COL4A5: variants seen among roughly 807,000 people sequenced by gnomAD.
COL4A5 encodes collagen alpha-5(IV) chain.
Under a neutral mutation model 130.2 loss-of-function variants are expected in COL4A5, and 26 were observed. That is an observed-to-expected ratio of 0.20 (90% CI 0.15 to 0.28). The LOEUF (loss-of-function observed/expected upper bound fraction) is 0.28, where lower values mean the gene tolerates loss of function less well. Among genes scored for constraint, COL4A5 ranks in the 10% least tolerant of loss-of-function variants. The pLI is 1.00. For synonymous variants in COL4A5, 496 were observed against 439.6 expected, an observed-to-expected ratio of 1.13 and a Z score of -1.60; for missense variants, 1,131 against 1,344.3, an observed-to-expected ratio of 0.84 and a Z score of 2.48.
chrX:108,672,103 A>C (rs1682138385), intron 42 of COL4A5, among the ~76,000 whole-genome samples: 1 of 111,887 alleles, frequency 8.9e-6, no homozygotes, highest in South Asian at 3.8e-4. Context: ...GTTACCTCAA[A>C]AGCTCCGTCA....
chrX:108,621,942 A>G, intron 32 of COL4A5, 50 bp downstream of exon 32: 1 of 890,141 alleles, frequency 1.1e-6, no homozygotes. Flanking sequence ...AAAATTAAAT[A>G]TAGCTTTATG....
intron 1 of COL4A5, among the ~76,000 whole-genome samples, chrX:108,526,667 CTTTCTCTTTCTTTCTT>C (rs1181732941): frequency 1.8e-4 from 8 of 45,354 alleles, no homozygotes; most frequent in Non-Finnish European, 2.1e-4. Flanking sequence ...TTTCTTCTTT[CTTTCTCTTTCTTTCTT>C]TCTTTCTTTC....
intron 18 of COL4A5, among the ~76,000 whole-genome samples, chrX:108,586,358 A>T (rs761496930): frequency 9.0e-6 from 1 of 111,508 alleles, no homozygotes; most frequent in African/African-American, 3.3e-5. Flanking sequence ...ATTGGAATGA[A>T]TTGAATGTGA....
intron 16 of COL4A5, among the ~76,000 whole-genome samples, 191 bp downstream of exon 16, chrX:108,581,218 G>T (rs757020205): frequency 2.7e-5 from 3 of 111,358 alleles, no homozygotes; most frequent in Non-Finnish European, 3.8e-5. Context: ...TACATAGTAG[G>T]TGTATATATT....
intron 36 of COL4A5, among the ~76,000 whole-genome samples, chrX:108,641,268 T>C (rs913518251): frequency 5.4e-5 from 6 of 111,709 alleles, no homozygotes; most frequent in African/African-American, 2.0e-4. Flanking sequence ...CACAGAAACT[T>C]GTACTTGAAT....
Position 108,691,228 on chromosome X carries a change from G to A in COL4A5, c.4529-1520G>A, listed in dbSNP as rs756771450. 3.6e-5 allele frequency among the ~76,000 whole-genome samples: 4 copies of A among 110,732 alleles called. No individual in the cohort carries two copies. In the Admixed American group the frequency reaches 3.9e-4, roughly 11 times the overall value. Reference sequence around the variant, plus strand: ...AGGGATACAAACATACAGTAAGATAGAAGGAATTAATTCCATATTTGATAG... The same window carrying A: ...AGGGATACAAACATACAGTAAGATAAAAGGAATTAATTCCATATTTGATAG... On this transcript the variant is annotated intron_variant, in intron 49 of 52. Coordinates refer to ENST00000328300, the MANE Select transcript of COL4A5 (RefSeq NM_033380.3).
intron 30 of COL4A5, 78 bp downstream of exon 30, chrX:108,615,102 C>A: frequency 1.4e-6 from 1 of 712,641 alleles, no homozygotes; most frequent in Non-Finnish European, 2.2e-6. Flanking sequence ...GTGAAACCTA[C>A]AAAACAGTCT....
At chrX:108,571,706 C>T (rs748489776) in intron 7 of COL4A5, 105 bp from the exon 8 acceptor site, 62 of 625,086 alleles carry the variant, frequency 9.9e-5, no homozygotes, top group Non-Finnish European at 1.2e-4. Flanking sequence ...TCAGAAATGA[C>T]GCTACAGCAG....
At chrX:108,513,733 C>T (rs2065198902) in intron 1 of COL4A5, among the ~76,000 whole-genome samples, 1 of 111,609 alleles carries the variant, frequency 9.0e-6, no homozygotes, top group Admixed American at 9.5e-5. Flanking sequence ...TATTTATCCA[C>T]TTTTTGTGGT....
intron 42 of COL4A5, among the ~76,000 whole-genome samples, chrX:108,673,425 TTG>T (rs773566243): frequency 4.5e-5 from 5 of 111,677 alleles, no homozygotes; most frequent in Admixed American, 9.5e-5. Flanking sequence ...GAAAAGAAAA[TTG>T]TGTTTTTAGT....
chrX:108,593,424 A>G lies in COL4A5; in HGVS notation c.1423+1780A>G, dbSNP rs752459668. 2.7e-5 allele frequency among the ~76,000 whole-genome samples: 3 copies of G among 111,617 alleles called. No individual in the cohort carries two copies. In the South Asian group the frequency reaches 1.1e-3, roughly 41 times the overall value. ...TTGTTTAACAAAAGTTGCTAATTAA[A>G]TGAAATCAAATTAATTAATTTCCTA... On this transcript the variant is annotated intron_variant, in intron 21 of 52. Transcript: ENST00000328300.
intron 25 of COL4A5, 21 bp from the exon 26 acceptor site, chrX:108,601,372 T>C: frequency 9.0e-7 from 1 of 1,110,511 alleles, no homozygotes; most frequent in Non-Finnish European, 1.2e-6. Flanking sequence ...TCATTTACCA[T>C]TGATTTACTC....
intron 36 of COL4A5, among the ~76,000 whole-genome samples, chrX:108,639,793 A>G (rs2067425518): frequency 8.9e-6 from 1 of 112,284 alleles, no homozygotes; most frequent in Non-Finnish European, 1.9e-5. Flanking sequence ...AAGATGGTCA[A>G]CATCACTAAT....
At chrX:108,455,182 A>G (rs770507775) in intron 1 of COL4A5, among the ~76,000 whole-genome samples, 8 of 111,842 alleles carry the variant, frequency 7.2e-5, no homozygotes, top group African/African-American at 9.7e-5. Flanking sequence ...TATAAATGCA[A>G]TTATATGATA....
chrX:108,597,243 T>A, intron 23 of COL4A5, 134 bp from the exon 24 acceptor site: 2 of 774,206 alleles, frequency 2.6e-6, no homozygotes, highest in South Asian at 4.7e-5. Context: ...TTCAGCCCTT[T>A]GTACATTAAA....
At chrX:108,476,747 G>A (rs908370335) in intron 1 of COL4A5, among the ~76,000 whole-genome samples, 2 of 110,375 alleles carry the variant, frequency 1.8e-5, no homozygotes, top group African/African-American at 6.6e-5. Context: ...CCACCTTGTT[G>A]CAAATGACAA....
rs59216072 is a variant in COL4A5, at chrX:108,506,341, CATCTATCTATCTATCTATCT to C, written c.82-33375_82-33356del. 1.2e-3 allele frequency among the ~76,000 whole-genome samples: 118 copies of C among 98,086 alleles called. 1 individual carries two copies. The highest frequency in any genetic ancestry group is 3.6e-3 in the African/African-American group (96 of 26,905). 85.2% of individuals were successfully genotyped at this position (98,086 alleles called of 115,157 possible). On this transcript the variant is annotated intron_variant, in intron 1 of 52. Coordinates refer to ENST00000328300, the MANE Select transcript of COL4A5 (RefSeq NM_033380.3). Reference sequence around the variant, plus strand: ...TTTTCCCACTAGCCTTTTATTCTATCATCTATCTATCTATCTATCTATCTATCTATCTATCTATCTATCTA... The same window carrying C: ...TTTTCCCACTAGCCTTTTATTCTATCATCTATCTATCTATCTATCTATCTA...
Position 108,575,105 on chromosome X carries a change from C to CA in COL4A5, c.547-796dup, listed in dbSNP as rs201147362. Among the ~76,000 whole-genome samples, 208 of 109,637 alleles carry CA rather than the reference C, an allele frequency of 1.9e-3. 1 individual carries two copies. Among genetic ancestry groups the CA allele is most frequent in the African/African-American group, 3.3e-3 (100 of 30,208 alleles). ...TGCCCAGCCTACAATTTTTTCATTA[C>CA]AAAAAAAAATCCATGATTTATATCT... On this transcript the variant is annotated intron_variant, in intron 9 of 52. Coordinates refer to ENST00000328300, the MANE Select transcript of COL4A5 (RefSeq NM_033380.3).
At position 108,598,592 on chromosome X, in the gene COL4A5, T is replaced by A. The variant is rs189146812; in HGVS notation, c.1780-110T>A. ...TCATAATACCACTCACTTATATAGC[T>A]TTTAAGAAGAACTATTTATGGCTAT... On this transcript the variant is annotated intron_variant, in intron 24 of 52. Transcript: ENST00000328300. The A allele has an allele frequency of 2.0e-4, 143 of 716,792 alleles. 1 individual carries two copies. The African/African-American group carries it at 2.6e-3, about 13-fold the overall frequency. The allele number at this position is 716,792 out of a possible 1,213,427, so 59.1% of individuals were successfully genotyped here.
Sources: gnomAD v4.1 joint callset for allele counts (sites outside exome capture counted in the v4.1 genomes callset) on GRCh38, gnomAD v4.1.1 for gene constraint, MANE v1.5 for transcripts, NCBI Gene and HGNC (gene_info 2026-07-23, HGNC 2026-07-21) for gene names.